The following PCDHA2 variants were observed in gnomAD, a reference collection of about 807,000 sequenced individuals.
PCDHA2 encodes the protein protocadherin alpha 2.
PCDHA2 carries 58 observed loss-of-function variants against 66.0 expected under a neutral mutation model. The observed-to-expected ratio is 0.88, with a 90% CI of 0.71 to 1.09. PCDHA2 has a LOEUF of 1.09. Among genes scored for constraint, PCDHA2 ranks in the 50% least tolerant of loss-of-function variants. PCDHA2 has a pLI of 0.00. For synonymous variants in PCDHA2, 634 were observed against 554.0 expected, an observed-to-expected ratio of 1.14 and a Z score of -2.03; for missense variants, 1,267 against 1,242.3, an observed-to-expected ratio of 1.02 and a Z score of -0.30.
chr5:140,984,458 C>T (rs1363789281), intron 3 of PCDHA2, among the ~76,000 whole-genome samples: 2 of 152,140 alleles, frequency 1.3e-5, no homozygotes, highest in African/African-American at 4.8e-5. Flanking sequence ...CTTACTGTCC[C>T]AGCCCCTCTT....
intron 3 of PCDHA2, among the ~76,000 whole-genome samples, chr5:140,985,928 C>G (rs1001132600): frequency 9.9e-5 from 15 of 151,534 alleles, no homozygotes; most frequent in Non-Finnish European, 1.3e-4. Context: ...TTTAGTAGAG[C>G]CGGGGTTTCA....
rs372854727 is a variant in PCDHA2 at position 140,857,673 on chromosome 5, C to A, written c.2388+60321C>A. On this transcript the variant is annotated intron_variant, in intron 1 of 3. Transcript: ENST00000526136. Reference sequence around the variant, plus strand: ...GTGAGCGCGCGCGATGGGGGCGTGCCGCCTCTGGGCAGCAACTTGACGCTG... The same window carrying A: ...GTGAGCGCGCGCGATGGGGGCGTGCAGCCTCTGGGCAGCAACTTGACGCTG... 2.5e-6 allele frequency: 4 copies of A among 1,596,826 alleles called. 1 individual carries two copies. The highest frequency in any genetic ancestry group is 3.4e-6 in the Non-Finnish European group (4 of 1,167,768).
chr5:140,992,847 A>G (rs183404145), intron 3 of PCDHA2, among the ~76,000 whole-genome samples: 1 of 152,264 alleles, frequency 6.6e-6, no homozygotes, highest in East Asian at 1.9e-4. Flanking sequence ...TTGTATAACA[A>G]CCAGTTTCAC....
At chr5:140,808,604 C>T (rs1764214382) in intron 1 of PCDHA2, 2 of 1,613,764 alleles carry the variant, frequency 1.2e-6, no homozygotes, top group African/African-American at 2.7e-5. Flanking sequence ...GCCGGGCTGC[C>T]ACATCTTCAC....
chr5:140,815,283 T>C (rs1765689291), intron 1 of PCDHA2: 1 of 152,134 alleles, frequency 6.6e-6, no homozygotes, highest in Admixed American at 6.5e-5. Flanking sequence ...CCTCTTACTG[T>C]CTTCCTTTGT....
At chr5:140,987,544 A>G (rs1316604535) in intron 3 of PCDHA2, among the ~76,000 whole-genome samples, 1 of 152,180 alleles carries the variant, frequency 6.6e-6, no homozygotes, top group Non-Finnish European at 1.5e-5. Context: ...CCATTACTTA[A>G]CTTTCCTGAT....
chr5:140,868,172 ATC>A (rs1554161787), intron 1 of PCDHA2: 1 of 152,152 alleles, frequency 6.6e-6, no homozygotes. Context: ...AAATTTTGAT[ATC>A]TCATATTATG....
At chr5:140,990,129 A>G (rs868941506) in intron 3 of PCDHA2, among the ~76,000 whole-genome samples, 6 of 152,296 alleles carry the variant, frequency 3.9e-5, no homozygotes, top group Middle Eastern at 3.4e-3. Flanking sequence ...TGTAGAAGTC[A>G]GACTCAAGAG....
intron 1 of PCDHA2, chr5:140,806,879 CA>C: frequency 4.9e-6 from 2 of 410,048 alleles, no homozygotes; most frequent in Non-Finnish European, 4.4e-6. Flanking sequence ...CACAGTAGTA[CA>C]AAATGTATTC....
intron 1 of PCDHA2, among the ~76,000 whole-genome samples, chr5:140,940,317 A>G (rs782009825): frequency 1.5e-4 from 23 of 152,024 alleles, no homozygotes; most frequent in Non-Finnish European, 2.2e-4. Context: ...CTTTCTTCCA[A>G]TTTTACTAAT....
intron 1 of PCDHA2, chr5:140,881,395 T>C: frequency 1.0e-6 from 1 of 978,940 alleles, no homozygotes; most frequent in Non-Finnish European, 1.2e-6. Context: ...TAAGTTAAAT[T>C]CTATTAAATC....
intron 1 of PCDHA2, chr5:140,869,565 A>G: frequency 6.2e-7 from 1 of 1,614,190 alleles, no homozygotes; most frequent in Non-Finnish European, 8.5e-7. Flanking sequence ...GTTTTCCACT[A>G]GAGGGAGCTT....
At chr5:141,003,221 G>A (rs2098116088) in intron 3 of PCDHA2, among the ~76,000 whole-genome samples, 1 of 152,206 alleles carries the variant, frequency 6.6e-6, no homozygotes, top group Admixed American at 6.5e-5. Flanking sequence ...GCATGAAAGA[G>A]GAAAGCTGGA....
chr5:140,876,738 G>C, intron 1 of PCDHA2: 2 of 1,614,264 alleles, frequency 1.2e-6, no homozygotes, highest in Non-Finnish European at 1.7e-6. Flanking sequence ...CGGCCTATGA[G>C]CTGGTGGTGA....
At chr5:140,830,040 T>A (rs2150180125) in intron 1 of PCDHA2, 1 of 1,613,784 alleles carries the variant, frequency 6.2e-7, no homozygotes, top group South Asian at 1.1e-5. Context: ...CTGCTGGTGC[T>A]GGTGAAAGAC....
intron 1 of PCDHA2, chr5:140,871,382 A>G (rs781900960): frequency 1.2e-6 from 2 of 1,614,188 alleles, no homozygotes; most frequent in South Asian, 2.2e-5. Flanking sequence ...GTGTGCTCTG[A>G]GGAGGGCCCA....
chr5:140,822,497 T>C, intron 1 of PCDHA2: 1 of 1,613,868 alleles, frequency 6.2e-7, no homozygotes, highest in Non-Finnish European at 8.5e-7. Flanking sequence ...GCCCCAGAAT[T>C]TGATAAATCC....
At chr5:140,834,431 G>A (rs2150217688) in intron 1 of PCDHA2, 15 of 1,611,328 alleles carry the variant, frequency 9.3e-6, no homozygotes. Flanking sequence ...ATCTACTGCT[G>A]TTTATTATAA....
intron 1 of PCDHA2, chr5:140,884,394 G>A (rs2060142596): frequency 3.7e-6 from 6 of 1,613,880 alleles, no homozygotes; most frequent in East Asian, 2.2e-5. Flanking sequence ...GCGGTGTCCA[G>A]CCTGTTGGTG....
Sources: gnomAD v4.1 joint callset for allele counts (sites outside exome capture counted in the v4.1 genomes callset) on GRCh38, gnomAD v4.1.1 for gene constraint, MANE v1.5 for transcripts, NCBI Gene and HGNC (gene_info 2026-07-23, HGNC 2026-07-21) for gene names.